The following KSR2 variants were observed in gnomAD, a reference collection of about 807,000 sequenced individuals.
KSR2 encodes the protein kinase suppressor of ras 2.
In KSR2, 25 loss-of-function variants were observed where a neutral mutation model predicts 107.8. That is an observed-to-expected ratio of 0.23 (90% CI 0.17 to 0.32). The LOEUF (loss-of-function observed/expected upper bound fraction) is 0.32. KSR2 is among the 10% of genes least tolerant of loss of function. The pLI is 1.00. For synonymous variants in KSR2, 480 were observed against 507.0 expected, an observed-to-expected ratio of 0.95 and a Z score of 0.71; for missense variants, 887 against 1,268.9, an observed-to-expected ratio of 0.70 and a Z score of 4.57.
intron 1 of KSR2, among the ~76,000 whole-genome samples, chr12:117,870,134 G>A (rs1019019537): frequency 6.6e-6 from 1 of 152,170 alleles, no homozygotes; most frequent in Non-Finnish European, 1.5e-5. Flanking sequence ...GTTGGGCATC[G>A]ACCCCTCAGG....
At position 117,830,680 on chromosome 12, in the gene KSR2, G is replaced by A. The variant is rs77335134; in HGVS notation, c.472+24748C>T. On this transcript the variant is annotated intron_variant, in intron 3 of 19. Coordinates refer to ENST00000339824, the MANE Select transcript of KSR2 (RefSeq NM_173598.6). ...AATTCTATCAGACCTCAAGCCTCAAGCCCTTGAGGCAGACGTGGGGAGAAA... is the reference window on the plus strand; with the variant it reads ...AATTCTATCAGACCTCAAGCCTCAAACCCTTGAGGCAGACGTGGGGAGAAA... Among the ~76,000 whole-genome samples the A allele has an allele frequency of 2.0e-3, 307 of 152,226 alleles. 3 individuals carry two copies. Among genetic ancestry groups the A allele is most frequent in the African/African-American group, 7.1e-3 (294 of 41,510 alleles).
intron 1 of KSR2, among the ~76,000 whole-genome samples, chr12:117,933,643 G>C (rs1895756460): frequency 6.6e-6 from 1 of 151,992 alleles, no homozygotes; most frequent in African/African-American, 2.4e-5. Flanking sequence ...ATTTAAAAGA[G>C]CATCCTATAT....
intron 9 of KSR2, among the ~76,000 whole-genome samples, chr12:117,540,874 C>T (rs930168537): frequency 1.3e-4 from 20 of 152,238 alleles, no homozygotes; most frequent in African/African-American, 4.3e-4. Context: ...GTTTTAGCCA[C>T]CCAGTTTATG....
chr12:117,667,906 T>C (rs1477390751), intron 4 of KSR2, among the ~76,000 whole-genome samples: 1 of 152,176 alleles, frequency 6.6e-6, no homozygotes, highest in Admixed American at 6.5e-5. Flanking sequence ...CATTCTTTTT[T>C]GCCCAGCTCC....
chr12:117,726,472 A>G (rs1467032978), intron 4 of KSR2, among the ~76,000 whole-genome samples: 1 of 152,192 alleles, frequency 6.6e-6, no homozygotes, highest in African/African-American at 2.4e-5. Flanking sequence ...TGGATAACCC[A>G]TTACTGGGGC....
chr12:117,689,407 G>A (rs963626614), intron 4 of KSR2, among the ~76,000 whole-genome samples: 1 of 152,186 alleles, frequency 6.6e-6, no homozygotes, highest in African/African-American at 2.4e-5. Flanking sequence ...TATAACAGGG[G>A]TGAAAACTTT....
At chr12:117,555,803 TAGTAGATGCTAAATAA>T (rs1231649506) in intron 8 of KSR2, among the ~76,000 whole-genome samples, 1 of 152,214 alleles carries the variant, frequency 6.6e-6, no homozygotes, top group Non-Finnish European at 1.5e-5. Flanking sequence ...GCTAGGCACA[TAGTAGATGCTAAATAA>T]ATGCTTCCTG....
intron 16 of KSR2, among the ~76,000 whole-genome samples, chr12:117,480,525 G>T (rs1214583915): frequency 1.3e-5 from 2 of 152,284 alleles, no homozygotes; most frequent in South Asian, 4.1e-4. Context: ...AGAACAGCTG[G>T]ATGCTGGGGT....
intron 3 of KSR2, among the ~76,000 whole-genome samples, chr12:117,796,526 C>A (rs76104033): frequency 0.044 from 6,740 of 152,254 alleles, 513 homozygotes; most frequent in African/African-American, 0.15. Context: ...ATTTTACACC[C>A]AAAGGAATCT....
chr12:117,615,095 T>C (rs2136325630), intron 5 of KSR2, among the ~76,000 whole-genome samples: 1 of 152,128 alleles, frequency 6.6e-6, no homozygotes, highest in South Asian at 2.1e-4. Flanking sequence ...TTCTCCTGTC[T>C]AGTCTACCCA....
intron 1 of KSR2, among the ~76,000 whole-genome samples, chr12:117,873,798 A>C (rs1286362670): frequency 6.6e-6 from 1 of 152,082 alleles, no homozygotes; most frequent in East Asian, 1.9e-4. Flanking sequence ...GGGATACAAA[A>C]ATCAACTACA....
chr12:117,931,472 C>T (rs749019695), intron 1 of KSR2, among the ~76,000 whole-genome samples: 53 of 152,210 alleles, frequency 3.5e-4, no homozygotes, highest in African/African-American at 4.8e-4. Context: ...AGGTCGTGCC[C>T]GCCTGGATGT....
chr12:117,797,486 G>T (rs1413170572), intron 3 of KSR2, among the ~76,000 whole-genome samples: 2 of 151,912 alleles, frequency 1.3e-5, no homozygotes, highest in Non-Finnish European at 2.9e-5. Flanking sequence ...GTGGGAAGGA[G>T]GGAATGAGGA....
At chr12:117,595,381 G>GGA (rs1466190809) in intron 5 of KSR2, among the ~76,000 whole-genome samples, 9 of 98,530 alleles carry the variant, frequency 9.1e-5, no homozygotes, top group Non-Finnish European at 1.6e-4. Flanking sequence ...TTTTTGAGAC[G>GGA]GAGTCTCGCT....
intron 1 of KSR2, among the ~76,000 whole-genome samples, chr12:117,950,183 G>A (rs553198324): frequency 2.0e-5 from 3 of 151,852 alleles, no homozygotes; most frequent in East Asian, 2.0e-4. Context: ...CATGTTGCCC[G>A]GGGTGGTCTC....
intron 5 of KSR2, among the ~76,000 whole-genome samples, chr12:117,604,626 T>C (rs1196523013): frequency 6.6e-6 from 1 of 152,234 alleles, no homozygotes; most frequent in African/African-American, 2.4e-5. Context: ...CCTCTCCATC[T>C]ACCCACAGTT....
chr12:117,797,628 T>TTATATTATATATTATAC (rs1355030220), intron 3 of KSR2, among the ~76,000 whole-genome samples: 2 of 116,934 alleles, frequency 1.7e-5, no homozygotes, highest in Non-Finnish European at 3.8e-5. Flanking sequence ...ACGATTAATT[T>TTATATTATATATTATAC]TATATTATAT....
chr12:117,511,963 C>T (rs1874049990), intron 14 of KSR2, among the ~76,000 whole-genome samples: 1 of 152,148 alleles, frequency 6.6e-6, no homozygotes, highest in Non-Finnish European at 1.5e-5. Context: ...TGTCCTTGAT[C>T]CCTCCGATGA....
At chr12:117,855,207 G>A (rs1350280425) in intron 3 of KSR2, among the ~76,000 whole-genome samples, 1 of 152,126 alleles carries the variant, frequency 6.6e-6, no homozygotes, top group South Asian at 2.1e-4. Context: ...AACCTCAGCG[G>A]GTCTTCCTGG....
Sources: gnomAD v4.1 joint callset for allele counts (sites outside exome capture counted in the v4.1 genomes callset) on GRCh38, gnomAD v4.1.1 for gene constraint, MANE v1.5 for transcripts, NCBI Gene and HGNC (gene_info 2026-07-23, HGNC 2026-07-21) for gene names.